The following SMYD3 variants were observed in gnomAD, a reference collection of about 807,000 sequenced individuals.
SMYD3 encodes the protein histone-lysine N-methyltransferase SMYD3.
In SMYD3, 36 loss-of-function variants were observed where a neutral mutation model predicts 57.7. The observed-to-expected ratio is 0.62, with a 90% CI of 0.48 to 0.82. The LOEUF (loss-of-function observed/expected upper bound fraction) is 0.82. SMYD3 is among the 40% of genes least tolerant of loss of function. The pLI is 0.00. For synonymous variants in SMYD3, 211 were observed against 195.0 expected, an observed-to-expected ratio of 1.08 and a Z score of -0.68; for missense variants, 515 against 538.8, an observed-to-expected ratio of 0.96 and a Z score of 0.44.
chr1:246,405,596 G>A (rs1441172172), intron 1 of SMYD3, among the ~76,000 whole-genome samples: 3 of 152,048 alleles, frequency 2.0e-5, no homozygotes, highest in Non-Finnish European at 4.4e-5. Context: ...ATTGTTTACT[G>A]TCGCACAGCG....
At chr1:245,796,682 G>C (rs763258936) in intron 10 of SMYD3, among the ~76,000 whole-genome samples, 1 of 152,086 alleles carries the variant, frequency 6.6e-6, no homozygotes, top group Non-Finnish European at 1.5e-5. Flanking sequence ...AATTTGATAC[G>C]CACAAAACTC....
chr1:246,009,005 G>A (rs1346698033), intron 5 of SMYD3, among the ~76,000 whole-genome samples: 1 of 152,150 alleles, frequency 6.6e-6, no homozygotes, highest in Admixed American at 6.5e-5. Context: ...CAAGTCACTT[G>A]GCTTCGGTTT....
At position 245,946,866 on chromosome 1, in the gene SMYD3, T is replaced by C. The variant is rs141672188; in HGVS notation, c.532-16929A>G. On this transcript the variant is annotated intron_variant, in intron 5 of 11. Transcript: ENST00000490107. ...AAACAAAAATGTAAAAAACTCCCCA[T>C]TTCTCTCTAATTTTGACAAATTTTA... Among the ~76,000 whole-genome samples the C allele has an allele frequency of 3.0e-4, 45 of 152,310 alleles. No homozygotes were observed. In the East Asian group the frequency reaches 8.3e-3, roughly 28 times the overall value.
chr1:245,872,580 C>T (rs528767241), intron 8 of SMYD3, among the ~76,000 whole-genome samples: 289 of 152,310 alleles, frequency 1.9e-3, no homozygotes, highest in Non-Finnish European at 3.0e-3. Context: ...GGCTGTGAGC[C>T]CAATCCAAAC....
At chr1:246,276,570 C>A (rs1471896620) in intron 5 of SMYD3, among the ~76,000 whole-genome samples, 2 of 150,858 alleles carry the variant, frequency 1.3e-5, no homozygotes, top group East Asian at 3.9e-4. Context: ...CTAGTGGAGT[C>A]TGATGCCCAT....
intron 5 of SMYD3, among the ~76,000 whole-genome samples, chr1:246,126,695 T>A (rs141976202): frequency 1.3e-5 from 2 of 152,194 alleles, no homozygotes; most frequent in Non-Finnish European, 2.9e-5. Flanking sequence ...AAGCTTCAAA[T>A]AGAAAGAAAA....
At chr1:246,228,722 C>A (rs2063367425) in intron 5 of SMYD3, among the ~76,000 whole-genome samples, 1 of 152,112 alleles carries the variant, frequency 6.6e-6, no homozygotes, top group Non-Finnish European at 1.5e-5. Context: ...GTATAAGTTT[C>A]TCAGAGAAAA....
intron 5 of SMYD3, among the ~76,000 whole-genome samples, chr1:246,253,746 G>C (rs1163751490): frequency 6.6e-6 from 1 of 152,122 alleles, no homozygotes; most frequent in Non-Finnish European, 1.5e-5. Flanking sequence ...TTCATTATTT[G>C]GCTCTCAGCT....
chr1:245,860,912 G>A (rs1015867261), intron 9 of SMYD3, among the ~76,000 whole-genome samples: 1 of 152,138 alleles, frequency 6.6e-6, no homozygotes, highest in African/African-American at 2.4e-5. Context: ...TGTGCTGTTT[G>A]ACCTCCACTA....
chr1:246,299,109 T>C (rs2064847895), intron 5 of SMYD3, among the ~76,000 whole-genome samples: 2 of 152,100 alleles, frequency 1.3e-5, no homozygotes, highest in Admixed American at 6.6e-5. Context: ...ATTTATCCTA[T>C]GTAAAAACCA....
chr1:246,110,438 T>C (rs909104323), intron 5 of SMYD3, among the ~76,000 whole-genome samples: 1 of 152,062 alleles, frequency 6.6e-6, no homozygotes, highest in Admixed American at 6.5e-5. Context: ...GTAGGTGAAA[T>C]ACAATTTTAT....
intron 1 of SMYD3, among the ~76,000 whole-genome samples, chr1:246,357,265 T>A (rs1305704780): frequency 6.6e-6 from 1 of 152,086 alleles, no homozygotes; most frequent in African/African-American, 2.4e-5. Flanking sequence ...ATAAAACAGG[T>A]TGCAGTAAGG....
chr1:246,021,072 T>C (rs1312697929), intron 5 of SMYD3, among the ~76,000 whole-genome samples: 1 of 152,218 alleles, frequency 6.6e-6, no homozygotes, highest in Non-Finnish European at 1.5e-5. Flanking sequence ...CGGTGAATGA[T>C]TCTCAACGCC....
intron 5 of SMYD3, 149 bp from the exon 6 acceptor site, chr1:245,930,086 T>A (rs778912203): frequency 1.5e-6 from 1 of 678,016 alleles, no homozygotes; most frequent in Non-Finnish European, 2.7e-6. Context: ...CTCTTTGACT[T>A]ACAACAGAAT....
intron 8 of SMYD3, among the ~76,000 whole-genome samples, chr1:245,869,663 G>T (rs2052069362): frequency 6.6e-6 from 1 of 152,124 alleles, no homozygotes; most frequent in African/African-American, 2.4e-5. Context: ...CAAGCCCCTT[G>T]AATACCGCCC....
At chr1:245,769,536 G>A (rs1268852478) in intron 10 of SMYD3, among the ~76,000 whole-genome samples, 1 of 152,216 alleles carries the variant, frequency 6.6e-6, no homozygotes, top group African/African-American at 2.4e-5. Context: ...ATGGTAGCGG[G>A]AGAAGAATAC....
intron 5 of SMYD3, among the ~76,000 whole-genome samples, chr1:246,016,127 C>T (rs991406517): frequency 3.9e-5 from 6 of 151,926 alleles, no homozygotes; most frequent in African/African-American, 1.5e-4. Context: ...ATCAGCCAGG[C>T]ACTCTGGCTC....
At chr1:245,758,806 T>C (rs1314099733) in intron 11 of SMYD3, among the ~76,000 whole-genome samples, 1 of 152,238 alleles carries the variant, frequency 6.6e-6, no homozygotes, top group Admixed American at 6.5e-5. Context: ...TATCTTGGAA[T>C]TGGCATCTAC....
chr1:246,057,366 T>C (rs2060169573), intron 5 of SMYD3, among the ~76,000 whole-genome samples: 1 of 152,224 alleles, frequency 6.6e-6, no homozygotes, highest in Admixed American at 6.5e-5. Context: ...TGGTTTGAAT[T>C]CACTAATGTT....
Sources: gnomAD v4.1 joint callset for allele counts (sites outside exome capture counted in the v4.1 genomes callset) on GRCh38, gnomAD v4.1.1 for gene constraint, MANE v1.5 for transcripts, NCBI Gene and HGNC (gene_info 2026-07-23, HGNC 2026-07-21) for gene names.